NAV1: variants seen among roughly 807,000 people sequenced by gnomAD.
The protein encoded by NAV1 is neuron navigator 1.
A neutral mutation model predicts 175.2 loss-of-function variants in NAV1; 18 were observed. The ratio of observed to expected loss-of-function variants is 0.10; its 90% confidence interval spans 0.07 to 0.15. The LOEUF (loss-of-function observed/expected upper bound fraction) is 0.15. NAV1 is among the 10% of genes least tolerant of loss of function. NAV1 has a pLI of 1.00. For missense variants in NAV1, 1,731 were observed against 2,436.6 expected (o/e 0.71, Z 6.10); for synonymous variants, 897 against 978.7 (o/e 0.92, Z 1.56).
chr1:201,793,867 G>A (rs1677265214), exon 14 of NAV1: 5 of 1,451,500 alleles, frequency 3.4e-6, no homozygotes, highest in Non-Finnish European at 3.7e-6. Flanking sequence ...AGAGACGGCC[G>A]AGGAGAAGGT....
chr1:201,707,373 G>T (rs1398920468), intron 1 of NAV1, among the ~76,000 whole-genome samples: 1 of 152,146 alleles, frequency 6.6e-6, no homozygotes, highest in African/African-American at 2.4e-5. Flanking sequence ...TCCAGGCACC[G>T]TACTATAAGC....
intron 3 of NAV1, among the ~76,000 whole-genome samples, chr1:201,727,869 C>T (rs1672675387): frequency 6.6e-6 from 1 of 152,146 alleles, no homozygotes; most frequent in Admixed American, 6.5e-5. Flanking sequence ...GAGGGCAGCT[C>T]CTAGAGGGCA....
rs377367420 is a variant in NAV1 at position 201,636,729 on chromosome 1, G to C, written c.4+7222G>C. On this transcript the variant is annotated intron_variant, in intron 2 of 29. Transcript: ENST00000367302. Reference sequence around the variant, plus strand: ...CCTGTGGTATGAATGACTGAGGTCAGATAAATAAGAGAACTTCCTGGCAGG... The same window carrying C: ...CCTGTGGTATGAATGACTGAGGTCACATAAATAAGAGAACTTCCTGGCAGG... Among the ~76,000 whole-genome samples the C allele has an allele frequency of 9.8e-5, 15 of 152,294 alleles. No homozygotes were observed. In the East Asian group the frequency reaches 2.3e-3, roughly 24 times the overall value.
In NAV1 at chr1:201,593,946, G is replaced by A. The variant is rs111345797; in HGVS notation, c.-33+5297G>A. ...TTAAGACTCTGCCTTCAGGCCCTGA[G>A]GGGTCAGGGTAGTGGGACCACCATC... On this transcript the variant is annotated intron_variant, in intron 2 of 33. Transcript: ENST00000685211. 9.7e-3 allele frequency among the ~76,000 whole-genome samples: 1,483 copies of A among 152,276 alleles called. 24 individuals are homozygous for A. Among genetic ancestry groups the A allele is most frequent in the African/African-American group, 0.033 (1,391 of 41,566 alleles).
At chr1:201,652,341 A>G (rs1202975400) in intron 1 of NAV1, among the ~76,000 whole-genome samples, 1 of 152,026 alleles carries the variant, frequency 6.6e-6, no homozygotes, top group Non-Finnish European at 1.5e-5. Flanking sequence ...CCTTCCCAGA[A>G]ATCAGCTGGG....
intron 1 of NAV1, among the ~76,000 whole-genome samples, chr1:201,660,953 A>G (rs1406712884): frequency 6.6e-6 from 1 of 152,102 alleles, no homozygotes; most frequent in Non-Finnish European, 1.5e-5. Flanking sequence ...AGTGTTTCAT[A>G]TTTTTTAGCA....
At chr1:201,585,776 C>G (rs57397582) in intron 1 of NAV1, among the ~76,000 whole-genome samples, 12,232 of 151,994 alleles carry the variant, frequency 0.08, 649 homozygotes, top group East Asian at 0.23. Flanking sequence ...ACCTCACACC[C>G]AATAGGATGG....
At chr1:201,734,285 G>C (rs1186992408) in intron 3 of NAV1, among the ~76,000 whole-genome samples, 1 of 151,684 alleles carries the variant, frequency 6.6e-6, no homozygotes, top group Non-Finnish European at 1.5e-5. Context: ...GCTTGCACCT[G>C]TGGTCCCAGC....
intron 3 of NAV1, among the ~76,000 whole-genome samples, chr1:201,765,464 A>T (rs544520479): frequency 7.2e-6 from 1 of 138,804 alleles, no homozygotes; most frequent in African/African-American, 2.8e-5. Flanking sequence ...GTGCCATCTC[A>T]GCTTACTGCA....
intron 1 of NAV1, among the ~76,000 whole-genome samples, chr1:201,628,889 ACTC>A (rs1004924861): frequency 4.0e-5 from 6 of 151,614 alleles, no homozygotes; most frequent in African/African-American, 1.5e-4. Context: ...AGCTGAGCCT[ACTC>A]CTCCTTCTTT....
At chr1:201,564,738 G>A (rs641164) in intron 1 of NAV1, among the ~76,000 whole-genome samples, 46,245 of 152,212 alleles carry the variant, frequency 0.3, 9,600 homozygotes, top group African/African-American at 0.58. Flanking sequence ...AAGTCTGACA[G>A]GGTGTCACTG....
intron 1 of NAV1, among the ~76,000 whole-genome samples, chr1:201,653,159 CTG>C (rs1042792387): frequency 6.6e-6 from 1 of 152,174 alleles, no homozygotes; most frequent in African/African-American, 2.4e-5. Flanking sequence ...CGGGGACTGT[CTG>C]TACTATAGTA....
chr1:201,629,671 A>G, intron 2 of NAV1, 164 bp downstream of exon 4: 1 of 394,686 alleles, frequency 2.5e-6, no homozygotes, highest in East Asian at 9.6e-5. Flanking sequence ...GACTCAACCC[A>G]GGGTTGGTCC....
intron 1 of NAV1, among the ~76,000 whole-genome samples, chr1:201,684,474 C>CA (rs1216842520): frequency 1.4e-5 from 1 of 73,854 alleles, no homozygotes; most frequent in Non-Finnish European, 2.7e-5. Context: ...CTTTATGCAG[C>CA]CTTTTTTTTT....
chr1:201,802,305 CAAA>C (rs34854602), intron 15 of NAV1, among the ~76,000 whole-genome samples: 2 of 40,056 alleles, frequency 5.0e-5, no homozygotes, highest in Admixed American at 3.9e-4. Context: ...AACACCTTCT[CAAA>C]AAAAAAAAAA....
chr1:201,803,191 G>A (rs938422592), intron 15 of NAV1, among the ~76,000 whole-genome samples: 2 of 152,134 alleles, frequency 1.3e-5, no homozygotes, highest in Non-Finnish European at 2.9e-5. Context: ...GATGTATTTG[G>A]CTAGTATATG....
At chr1:201,763,609 G>T (rs2102642219) in intron 3 of NAV1, among the ~76,000 whole-genome samples, 2 of 152,302 alleles carry the variant, frequency 1.3e-5, no homozygotes, top group Non-Finnish European at 2.9e-5. Flanking sequence ...CTCACCCACA[G>T]TTGGTCCTAA....
intron 2 of NAV1, among the ~76,000 whole-genome samples, chr1:201,631,286 T>C (rs1668473890): frequency 6.6e-6 from 1 of 152,162 alleles, no homozygotes; most frequent in South Asian, 2.1e-4. Context: ...TTGCCTGCCT[T>C]GTGGAAGAGC....
At chr1:201,648,579 CCCCGCCTCCTCCTCCTGCGCT>C in exon 1 of NAV1, 1 of 1,266,372 alleles carries the variant, frequency 7.9e-7, no homozygotes, top group Non-Finnish European at 9.9e-7. Context: ...CCTCCTCCTC[CCCCGCCTCCTCCTCCTGCGCT>C]CCCGCCCCCT....
Sources: gnomAD v4.1 joint callset for allele counts (sites outside exome capture counted in the v4.1 genomes callset) on GRCh38, gnomAD v4.1.1 for gene constraint, MANE v1.5 for transcripts, NCBI Gene and HGNC (gene_info 2026-07-23, HGNC 2026-07-21) for gene names.